The following GRAMD1B variants were observed in gnomAD, a reference collection of about 807,000 sequenced individuals.
The protein encoded by GRAMD1B is protein Aster-B.
GRAMD1B carries 37 observed loss-of-function variants against 99.7 expected under a neutral mutation model. The observed-to-expected ratio is 0.37, with a 90% CI of 0.29 to 0.49. The LOEUF is 0.49. GRAMD1B is among the 20% of genes least tolerant of loss of function. The pLI, the probability that GRAMD1B is intolerant of heterozygous loss-of-function variation, is 0.98. For missense variants in GRAMD1B, 888 were observed against 1,009.2 expected, an observed-to-expected ratio of 0.88 and a Z score of 1.63; for synonymous variants, 427 against 387.6, an observed-to-expected ratio of 1.10 and a Z score of -1.19.
intron 2 of GRAMD1B, among the ~76,000 whole-genome samples, chr11:123,555,819 C>T (rs1306171183): frequency 6.6e-6 from 1 of 151,974 alleles, no homozygotes; most frequent in African/African-American, 2.4e-5. Context: ...CCACAATCTC[C>T]ATCTCCTGGG....
intron 1 of GRAMD1B, among the ~76,000 whole-genome samples, chr11:123,391,547 C>T (rs1041329316): frequency 3.9e-5 from 6 of 152,178 alleles, no homozygotes; most frequent in Non-Finnish European, 8.8e-5. Flanking sequence ...ACCTCCGCCT[C>T]CTGGGTTCAA....
At chr11:123,544,761 C>A (rs2135752301) in intron 2 of GRAMD1B, among the ~76,000 whole-genome samples, 1 of 152,374 alleles carries the variant, frequency 6.6e-6, no homozygotes, top group African/African-American at 2.4e-5. Flanking sequence ...GCATTGCCAC[C>A]AGGGCCCCCG....
At chr11:123,543,542 C>A (rs12291955) in intron 2 of GRAMD1B, among the ~76,000 whole-genome samples, 1 of 152,096 alleles carries the variant, frequency 6.6e-6, no homozygotes, top group South Asian at 2.1e-4. Flanking sequence ...GAAAAAGAAA[C>A]CTTTGAAGTG....
At chr11:123,459,687 A>C (rs1401486654) in intron 1 of GRAMD1B, 1 of 107,668 alleles carries the variant, frequency 9.3e-6, no homozygotes, top group East Asian at 2.0e-4. Flanking sequence ...TAGGTACTCA[A>C]ATACCTGTTA....
intron 1 of GRAMD1B, among the ~76,000 whole-genome samples, chr11:123,467,107 A>T (rs1215369549): frequency 1.3e-5 from 2 of 152,178 alleles, no homozygotes; most frequent in Non-Finnish European, 2.9e-5. Context: ...GTGAAAAAGG[A>T]TAAAGAATAT....
intron 2 of GRAMD1B, among the ~76,000 whole-genome samples, chr11:123,534,889 G>A (rs1265322604): frequency 6.6e-6 from 1 of 151,776 alleles, no homozygotes; most frequent in African/African-American, 2.4e-5. Flanking sequence ...ATAATGAGGG[G>A]GTCTCAGGCA....
At chr11:123,473,062 A>G (rs2714047) in intron 1 of GRAMD1B, among the ~76,000 whole-genome samples, 49,618 of 152,046 alleles carry the variant, frequency 0.33, 8,765 homozygotes, top group African/African-American at 0.46. Flanking sequence ...CTGCCTAAAT[A>G]ATTTCTTCTT....
Position 123,610,549 on chromosome 11 carries a change from T to C in GRAMD1B, c.1919+211T>C, listed in dbSNP as rs972381609. ...CTCTACATCTTGTTAGTAAAACTTG[T>C]ATAGCTACTACTATTTATTGGTTGT... On this transcript the variant is annotated intron_variant, in intron 14 of 19. Coordinates refer to ENST00000635736, the MANE Select transcript of GRAMD1B (RefSeq NM_001387025.1). The surrounding 1 kb of genome is among the most constrained non-coding windows in gnomAD (Gnocchi z 4.1). 1.3e-5 allele frequency among the ~76,000 whole-genome samples: 2 copies of C among 152,236 alleles called. No individual in the cohort carries two copies. Among genetic ancestry groups the C allele is most frequent in the African/African-American group, 2.4e-5 (1 of 41,460 alleles).
intron 1 of GRAMD1B, among the ~76,000 whole-genome samples, chr11:123,465,022 T>A (rs1950598740): frequency 6.6e-6 from 1 of 152,066 alleles, no homozygotes; most frequent in Non-Finnish European, 1.5e-5. Context: ...TGACATCCTG[T>A]AAACAGCTGG....
At chr11:123,533,806 A>G (rs1943664879) in intron 2 of GRAMD1B, among the ~76,000 whole-genome samples, 1 of 152,234 alleles carries the variant, frequency 6.6e-6, no homozygotes, top group Non-Finnish European at 1.5e-5. Context: ...TTACAAGTGA[A>G]TAAACTAAAG....
intron 17 of GRAMD1B, among the ~76,000 whole-genome samples, chr11:123,615,990 C>T (rs1954320496): frequency 6.6e-6 from 1 of 152,176 alleles, no homozygotes; most frequent in Non-Finnish European, 1.5e-5. Context: ...CTTCTGATGA[C>T]AGCATAAGAA....
At chr11:123,468,318 G>C (rs1950807794) in intron 1 of GRAMD1B, among the ~76,000 whole-genome samples, 1 of 151,692 alleles carries the variant, frequency 6.6e-6, no homozygotes, top group Non-Finnish European at 1.5e-5. Context: ...AGGGAGGATA[G>C]GGCTAGATAT....
At chr11:123,400,068 A>G (rs943608123) in intron 1 of GRAMD1B, among the ~76,000 whole-genome samples, 3 of 152,158 alleles carry the variant, frequency 2.0e-5, no homozygotes, top group Non-Finnish European at 4.4e-5. Flanking sequence ...GTGTTTTGCT[A>G]TTGAGTTGTA....
intron 2 of GRAMD1B, among the ~76,000 whole-genome samples, chr11:123,501,493 A>G (rs1451365523): frequency 6.6e-6 from 1 of 152,150 alleles, no homozygotes; most frequent in African/African-American, 2.4e-5. Context: ...CTTACTTGCA[A>G]TACTCTTACT....
In GRAMD1B at chr11:123,587,540, C is replaced by A. The variant is rs1351595087; in HGVS notation, c.684+3208C>A. Reference sequence around the variant, plus strand: ...GGGGCAAGAGGGGTGAAATTTACTCCCCCTCAGCCCCCAACGGGGCATAAC... The same window carrying A: ...GGGGCAAGAGGGGTGAAATTTACTCACCCTCAGCCCCCAACGGGGCATAAC... On this transcript the variant is annotated intron_variant, in intron 4 of 19. Coordinates refer to ENST00000635736, the MANE Select transcript of GRAMD1B (RefSeq NM_001387025.1). The surrounding 1 kb of genome is among the most constrained non-coding windows in gnomAD (Gnocchi z 4.2). Among the ~76,000 whole-genome samples, 1 of 152,202 alleles carries A rather than the reference C, an allele frequency of 6.6e-6. No homozygotes were observed. The highest frequency in any genetic ancestry group is 6.5e-5 in the Admixed American group (1 of 15,294).
chr11:123,529,778 A>G (rs1456074592), intron 2 of GRAMD1B, among the ~76,000 whole-genome samples: 1 of 152,162 alleles, frequency 6.6e-6, no homozygotes, highest in East Asian at 1.9e-4. Flanking sequence ...AAACACTAAG[A>G]AGGTCTCCAA....
At chr11:123,462,891 T>TAAATAAAAAAA (rs1950497568) in intron 1 of GRAMD1B, among the ~76,000 whole-genome samples, 2 of 111,398 alleles carry the variant, frequency 1.8e-5, no homozygotes, top group South Asian at 2.5e-4. Context: ...AAAAATAAAT[T>TAAATAAAAAAA]AAAAAAAAAA....
rs186109640 is a variant in GRAMD1B, at chr11:123,501,093, T to C, written c.452+20200T>C. Among the ~76,000 whole-genome samples, 24 of 152,328 alleles carry C rather than the reference T, an allele frequency of 1.6e-4. No individual in the cohort carries two copies. In the East Asian group the frequency reaches 4.4e-3, roughly 28 times the overall value. On this transcript the variant is annotated intron_variant, in intron 2 of 19. Coordinates refer to ENST00000635736, the MANE Select transcript of GRAMD1B (RefSeq NM_001387025.1). ...CTCATCTTCTAGATGAGGCTTAGAT[T>C]GTCCACTGTCAAGCTTGTTGGTAGC...
chr11:123,419,698 AGTGTGTGTGTGTGT>A (rs3222403), intron 1 of GRAMD1B, among the ~76,000 whole-genome samples: 11,727 of 134,068 alleles, frequency 0.087, 616 homozygotes, highest in African/African-American at 0.14. Flanking sequence ...GGAATTTCTA[AGTGTGTGTGTGTGT>A]GTGTGTGTGT....
Sources: allele counts gnomAD v4.1 joint callset (sites outside exome capture counted in the v4.1 genomes callset), GRCh38; gene constraint gnomAD v4.1.1; non-coding constraint Gnocchi (gnomAD v3.1); transcripts MANE v1.5; gene names NCBI Gene and HGNC (gene_info 2026-07-23, HGNC 2026-07-21).